RXFP2: variants seen among roughly 807,000 people sequenced by gnomAD.
The protein encoded by RXFP2 is relaxin family peptide receptor 2.
Under a neutral mutation model 88.6 loss-of-function variants are expected in RXFP2, and 68 were observed. The ratio of observed to expected loss-of-function variants is 0.77; its 90% CI spans 0.63 to 0.94. RXFP2 has a LOEUF of 0.94. RXFP2 is among the 40% of genes least tolerant of loss of function. The pLI is 0.00. For missense variants in RXFP2, 791 were observed against 893.9 expected, an observed-to-expected ratio of 0.88 and a Z score of 1.47; for synonymous variants, 329 against 306.8, an observed-to-expected ratio of 1.07 and a Z score of -0.76.
At chr13:31,779,296 T>G (rs975094216) in intron 9 of RXFP2, among the ~76,000 whole-genome samples, 2 of 152,052 alleles carry the variant, frequency 1.3e-5, no homozygotes, top group Admixed American at 1.3e-4. Context: ...TGGCTAATTT[T>G]TATATTTTTA....
intron 5 of RXFP2, among the ~76,000 whole-genome samples, chr13:31,771,418 G>C (rs1162739492): frequency 6.6e-6 from 1 of 152,162 alleles, no homozygotes; most frequent in African/African-American, 2.4e-5. Context: ...CAAGGGATCT[G>C]GGTTGTGCAC....
chr13:31,775,181 C>G (rs1739447850), intron 6 of RXFP2, 137 bp from the exon 7 acceptor site: 1 of 748,270 alleles, frequency 1.3e-6, no homozygotes, highest in East Asian at 2.6e-5. Flanking sequence ...GAATTTGCCC[C>G]CTCTGCTCAT....
chr13:31,788,089 GA>G (rs1210374580), intron 13 of RXFP2, among the ~76,000 whole-genome samples: 3 of 147,002 alleles, frequency 2.0e-5, no homozygotes, highest in Non-Finnish European at 3.0e-5. Flanking sequence ...AATAATCACA[GA>G]ATCCACATAA....
At chr13:31,775,417 A>G (rs767552691) in intron 7 of RXFP2, 28 bp downstream of exon 7, 33 of 1,449,068 alleles carry the variant, frequency 2.3e-5, no homozygotes, top group Middle Eastern at 1.7e-4. Context: ...TCTTTCTCCC[A>G]TAGAGGATCA....
At chr13:31,763,442 G>A (rs1872396871) in intron 3 of RXFP2, among the ~76,000 whole-genome samples, 1 of 152,140 alleles carries the variant, frequency 6.6e-6, no homozygotes, top group African/African-American at 2.4e-5. Flanking sequence ...GGCATCTAGT[G>A]GGTAGAGGCC....
At chr13:31,788,936 A>G in intron 13 of RXFP2, among the ~76,000 whole-genome samples, 186 bp from the exon 14 acceptor site, 1 of 152,252 alleles carries the variant, frequency 6.6e-6, no homozygotes, top group South Asian at 2.1e-4. Context: ...TGACACAATC[A>G]GCGCCAAACT....
chr13:31,748,631 C>A (rs1463304538), intron 1 of RXFP2, among the ~76,000 whole-genome samples: 1 of 151,856 alleles, frequency 6.6e-6, no homozygotes, highest in South Asian at 2.1e-4. Flanking sequence ...AATTACAGAC[C>A]CTTTGCAAAT....
At chr13:31,786,068 A>T (rs1454277448) in intron 11 of RXFP2, among the ~76,000 whole-genome samples, 1 of 152,266 alleles carries the variant, frequency 6.6e-6, no homozygotes. Flanking sequence ...CATGAAGAGT[A>T]GAAGTGTACA....
intron 1 of RXFP2, among the ~76,000 whole-genome samples, chr13:31,755,186 A>G (rs73163306): frequency 6.6e-6 from 1 of 152,204 alleles, no homozygotes; most frequent in Non-Finnish European, 1.5e-5. Context: ...TCCAGGTCTG[A>G]GTGTCTCTGA....
At chr13:31,796,857 T>C (rs1874074814) in intron 16 of RXFP2, among the ~76,000 whole-genome samples, 2 of 152,254 alleles carry the variant, frequency 1.3e-5, no homozygotes, top group South Asian at 4.1e-4. Context: ...TTTTTGAGCA[T>C]CAACATGATG....
At chr13:31,785,102 GA>G (rs1203257949) in intron 11 of RXFP2, among the ~76,000 whole-genome samples, 1 of 152,132 alleles carries the variant, frequency 6.6e-6, no homozygotes, top group East Asian at 1.9e-4. Context: ...AATCACATGG[GA>G]TATTGGCTTA....
chr13:31,768,933 AG>A (rs1385819122), intron 5 of RXFP2, among the ~76,000 whole-genome samples: 1 of 152,188 alleles, frequency 6.6e-6, no homozygotes, highest in African/African-American at 2.4e-5. Context: ...ATCCCCAGGA[AG>A]GGATGTCAGT....
chr13:31,753,090 C>T (rs1293379723), intron 1 of RXFP2, among the ~76,000 whole-genome samples: 1 of 152,174 alleles, frequency 6.6e-6, no homozygotes, highest in Non-Finnish European at 1.5e-5. Context: ...CCCCCTGGAG[C>T]CATCGCCCCT....
chr13:31,794,698 C>T (rs966503596), intron 16 of RXFP2, among the ~76,000 whole-genome samples: 6 of 151,950 alleles, frequency 3.9e-5, no homozygotes, highest in Non-Finnish European at 5.9e-5. Flanking sequence ...ATTAGCCAAG[C>T]GAAGGCAGAG....
intron 5 of RXFP2, among the ~76,000 whole-genome samples, chr13:31,772,904 T>C (rs1429249638): frequency 6.6e-6 from 1 of 152,242 alleles, no homozygotes; most frequent in African/African-American, 2.4e-5. Flanking sequence ...TGTGACAACA[T>C]GTAGGTAAAA....
At chr13:31,757,985 G>A (rs926609582) in intron 1 of RXFP2, among the ~76,000 whole-genome samples, 2 of 152,076 alleles carry the variant, frequency 1.3e-5, no homozygotes, top group Admixed American at 6.6e-5. Flanking sequence ...TTGGCTACTC[G>A]GGAGGCTGAG....
intron 1 of RXFP2, among the ~76,000 whole-genome samples, chr13:31,751,174 TC>T: frequency 6.6e-6 from 1 of 152,100 alleles, no homozygotes; most frequent in Non-Finnish European, 1.5e-5. Flanking sequence ...TGCCTGTAAT[TC>T]CGGCTACTTG....
chr13:31,774,806 CACAAAGT>C, intron 6 of RXFP2, 115 bp downstream of exon 6: 2 of 722,102 alleles, frequency 2.8e-6, no homozygotes, highest in Non-Finnish European at 5.1e-6. Flanking sequence ...AATAGGTTAT[CACAAAGT>C]ACTTAGATTA....
intron 1 of RXFP2, among the ~76,000 whole-genome samples, chr13:31,751,163 A>G (rs969830491): frequency 3.3e-5 from 5 of 152,066 alleles, no homozygotes; most frequent in Admixed American, 2.0e-4. Flanking sequence ...GTGTTGGCGC[A>G]TGCCTGTAAT....
Sources: allele counts gnomAD v4.1 joint callset (sites outside exome capture counted in the v4.1 genomes callset), GRCh38; gene constraint gnomAD v4.1.1; transcripts MANE v1.5; gene names NCBI Gene and HGNC (gene_info 2026-07-23, HGNC 2026-07-21).